The following SEC61A2 variants were observed in gnomAD, a reference collection of about 807,000 sequenced individuals.
SEC61A2 encodes the protein protein transport protein Sec61 subunit alpha isoform 2.
Under a neutral mutation model 59.9 loss-of-function variants are expected in SEC61A2, and 28 were observed. The ratio of observed to expected loss-of-function variants is 0.47; its 90% confidence interval spans 0.35 to 0.64. The LOEUF is 0.64. Ranked by LOEUF, SEC61A2 falls within the 30% of genes least tolerant of loss-of-function variation. SEC61A2 has a pLI of 0.01. For missense variants in SEC61A2, 340 were observed against 585.9 expected (o/e 0.58, Z 4.33); for synonymous variants, 202 against 214.4 (o/e 0.94, Z 0.50).
At position 12,155,797 on chromosome 10, in the gene SEC61A2, T is replaced by C; in HGVS notation, c.482T>C (p.Ile161Thr). The C allele has an allele frequency of 6.2e-7, 1 of 1,614,256 alleles. No individual in the cohort carries two copies. Among genetic ancestry groups the C allele is most frequent in the East Asian group, 2.2e-5 (1 of 44,896 alleles). ...CCACAGTTGTTTGTTGCTGGTTTGA[T>C]TGTGCTGCTGTTAGATGAGCTGCTA... ...IIIQLFVAGL[I>T]VLLLDELLQK... The change falls in exon 7 of 12, where the codon ATT becomes ACT. Residue 161 changes from isoleucine (I) to threonine (T), a missense_variant. Around this residue, in one of 3 missense-constraint regions of SEC61A2, gnomAD observed 283 missense variants for 483.2 expected, o/e 0.59. Transcript: ENST00000298428. The surrounding 1 kb of genome is among the most constrained non-coding windows in gnomAD (Gnocchi z 4.3).
In SEC61A2 at chr10:12,142,379, C is replaced by A; in HGVS notation, c.142-738C>A. 3.5e-6 allele frequency: 1 copy of A among 286,402 alleles called. No homozygotes were observed. The highest frequency in any genetic ancestry group is 5.2e-6 in the Non-Finnish European group (1 of 190,848). The allele number at this position is 286,402 out of a possible 1,614,324, so 17.7% of individuals were successfully genotyped here. On this transcript the variant is annotated intron_variant, in intron 3 of 11. Transcript: ENST00000298428. This position sits in a 1 kb window ranked among gnomAD's most constrained non-coding sequence, Gnocchi z 5.4. Reference sequence around the variant, plus strand: ...GGCTAAAATCACCCCTAGTTTAGAACTGCTATTTTATATTTAGTTTTATGA... The same window carrying A: ...GGCTAAAATCACCCCTAGTTTAGAAATGCTATTTTATATTTAGTTTTATGA...
chr10:12,136,351 C>CA (rs1200492450), intron 3 of SEC61A2, among the ~76,000 whole-genome samples, 181 bp downstream of exon 3: 11 of 152,264 alleles, frequency 7.2e-5, no homozygotes, highest in African/African-American at 2.6e-4. Flanking sequence ...CTCTGTTGCC[C>CA]AAGCTGGATG....
chr10:12,148,266 A>G (rs1834192467), intron 4 of SEC61A2, among the ~76,000 whole-genome samples: 2 of 111,726 alleles, frequency 1.8e-5, no homozygotes, highest in South Asian at 5.7e-4. Flanking sequence ...TTTTTTTAAG[A>G]CAGAATTTCG....
chr10:12,135,960 C>G, intron 2 of SEC61A2, 145 bp from the exon 3 acceptor site: 1 of 626,176 alleles, frequency 1.6e-6, no homozygotes, highest in East Asian at 2.7e-5. Context: ...ACCTAATAAA[C>G]AAAAATGCTT....
In SEC61A2 at chr10:12,153,621, A is replaced by T; in HGVS notation, c.463-2157A>T. On this transcript the variant is annotated intron_variant, in intron 6 of 11. Transcript: ENST00000298428. The surrounding 1 kb of genome is among the most constrained non-coding windows in gnomAD (Gnocchi z 5.2). Reference sequence around the variant, plus strand: ...GAAGTGGATGTACACTGATTCATTTACATGAATTCTGATACACAAATATGC... The same window carrying T: ...GAAGTGGATGTACACTGATTCATTTTCATGAATTCTGATACACAAATATGC... 1 of 1,129,072 alleles carries T rather than the reference A, an allele frequency of 8.9e-7. No homozygotes were observed. The allele number at this position is 1,129,072 out of a possible 1,614,324, so 69.9% of individuals were successfully genotyped here.
chr10:12,129,651 TCTGCGCGGGGTTGGGCGGAGC>T (rs1342006590), upstream of SEC61A2: 6 of 802,966 alleles, frequency 7.5e-6, no homozygotes, highest in East Asian at 3.5e-5. This position sits in a 1 kb window ranked among gnomAD's most constrained non-coding sequence, Gnocchi z 5.6. Flanking sequence ...AAGGGCGGAG[TCTGCGCGGGGTTGGGCGGAGC>T]CTGCGCGGGG....
downstream of SEC61A2, among the ~76,000 whole-genome samples, chr10:12,168,907 C>T (rs1306762095): frequency 2.0e-5 from 3 of 152,082 alleles, no homozygotes; most frequent in African/African-American, 7.2e-5. This position sits in a 1 kb window ranked among gnomAD's most constrained non-coding sequence, Gnocchi z 4.8. Flanking sequence ...GGACTACCGG[C>T]ATGTACCACC....
intron 1 of SEC61A2, among the ~76,000 whole-genome samples, chr10:12,130,200 T>TA (rs1300993006): frequency 2.0e-5 from 3 of 152,096 alleles, no homozygotes; most frequent in Admixed American, 6.6e-5. Context: ...CGTTTAATTT[T>TA]AAAAAAAGTG....
At chr10:12,135,114 G>GATACAGGGAGGGGGAACATC (rs1833855513) in intron 2 of SEC61A2, among the ~76,000 whole-genome samples, 1 of 143,070 alleles carries the variant, frequency 7.0e-6, no homozygotes, top group African/African-American at 2.6e-5. Context: ...AGAACACGTG[G>GATACAGGGAGGGGGAACATC]ATACAGGGAG....
In SEC61A2 at chr10:12,158,987, T is replaced by C. The variant is rs1362262497; in HGVS notation, c.975+882T>C. Among the ~76,000 whole-genome samples the C allele has an allele frequency of 6.6e-6, 1 of 151,286 alleles. No homozygotes were observed. The highest frequency in any genetic ancestry group is 1.5e-5 in the Non-Finnish European group (1 of 67,774). On this transcript the variant is annotated intron_variant, in intron 9 of 11. Transcript: ENST00000298428. The surrounding 1 kb of genome is among the most constrained non-coding windows in gnomAD (Gnocchi z 5.7). ...CCCATCATAATTTTTTTTTCTTTTT[T>C]TTTTTTTTGAGACGGAGTCTCGCTG... is the stretch of plus-strand genomic sequence containing the variant.
rs745352986 is a variant in SEC61A2 at position 12,155,838 on chromosome 10, T to C, written c.523T>C (p.Leu175=). ...TGAGCTGCTACAGAAGGGTTACGGC[T>C]TGGGGTCTGGGATTTCCCTCTTTAT... ...LDELLQKGYG[L]GSGISLFIAT... Residue 175 remains leucine (L), a synonymous_variant, in exon 7 of 12, where the codon TTG becomes CTG. Transcript: ENST00000298428. The surrounding 1 kb of genome is among the most constrained non-coding windows in gnomAD (Gnocchi z 4.3). 6.2e-7 allele frequency: 1 copy of C among 1,614,244 alleles called. No homozygotes were observed. Among genetic ancestry groups the C allele is most frequent in the Non-Finnish European group, 8.5e-7 (1 of 1,180,036 alleles).
downstream of SEC61A2, chr10:12,167,531 G>A (rs1008584837): frequency 1.2e-4 from 69 of 589,434 alleles, no homozygotes; most frequent in Admixed American, 3.4e-5. Context: ...TTTAAAGGAA[G>A]GTCACAACCT....
Position 12,164,741 on chromosome 10 carries a change from C to A in SEC61A2, c.*287C>A. 2 of 1,166,188 alleles carry A rather than the reference C, an allele frequency of 1.7e-6. No individual in the cohort carries two copies. The highest frequency in any genetic ancestry group is 2.1e-6 in the Non-Finnish European group (2 of 945,064). The allele number at this position is 1,166,188 out of a possible 1,614,324, so 72.2% of individuals were successfully genotyped here. ...GCTGTGTTAAATCATGACAGTGAGA[C>A]GGTGAGATGGATTCGTTTTGCACAC... On this transcript the variant is annotated 3_prime_UTR_variant, in exon 12 of 12. Coordinates refer to ENST00000298428, the MANE Select transcript of SEC61A2 (RefSeq NM_018144.4). The surrounding 1 kb of genome is among the most constrained non-coding windows in gnomAD (Gnocchi z 7.3).
chr10:12,155,211 C>T lies in SEC61A2; in HGVS notation c.463-567C>T, dbSNP rs1355058681. On this transcript the variant is annotated intron_variant, in intron 6 of 11. Coordinates refer to ENST00000298428, the MANE Select transcript of SEC61A2 (RefSeq NM_018144.4). The surrounding 1 kb of genome is among the most constrained non-coding windows in gnomAD (Gnocchi z 4.3). ...TAGAATGCATTTTTACATTGCTGCTCGAGTACGTATTTGAGTACATATTTG... is the reference window on the plus strand; with the variant it reads ...TAGAATGCATTTTTACATTGCTGCTTGAGTACGTATTTGAGTACATATTTG... 3 of 738,976 alleles carry T rather than the reference C, an allele frequency of 4.1e-6. No individual in the cohort carries two copies. The highest frequency in any genetic ancestry group is 3.8e-5 in the Admixed American group (1 of 26,002). 45.8% of individuals were successfully genotyped at this position (738,976 alleles called of 1,614,324 possible).
At chr10:12,157,150 G>T in intron 8 of SEC61A2, 83 bp downstream of exon 8, 1 of 1,333,136 alleles carries the variant, frequency 7.5e-7, no homozygotes, top group Non-Finnish European at 1.1e-6. Context: ...ACATGCTGTT[G>T]TTTAACAAGT....
chr10:12,144,133 A>C (rs1834086370), intron 4 of SEC61A2, among the ~76,000 whole-genome samples: 1 of 152,126 alleles, frequency 6.6e-6, no homozygotes. Flanking sequence ...ACATACTTTA[A>C]ATCGATGGCA....
rs1564413594 is a variant in SEC61A2, at chr10:12,152,829, T to A, written c.462+2868T>A. ...CCAGGAGGCGGAGGTTGCAGTGAGC[T>A]GAGATTGCACCACTGCACTCCAGCC... On this transcript the variant is annotated intron_variant, in intron 6 of 11. Transcript: ENST00000298428. The surrounding 1 kb of genome is among the most constrained non-coding windows in gnomAD (Gnocchi z 5.5). 6.6e-6 allele frequency among the ~76,000 whole-genome samples: 1 copy of A among 152,012 alleles called. No homozygotes were observed.
chr10:12,139,627 A>T (rs1833964819), intron 3 of SEC61A2, among the ~76,000 whole-genome samples: 1 of 151,942 alleles, frequency 6.6e-6, no homozygotes, highest in Non-Finnish European at 1.5e-5. Context: ...TACTAAAAAT[A>T]GAAAAAATTA....
chr10:12,143,827 T>A lies in SEC61A2; in HGVS notation c.220+632T>A, dbSNP rs541875050. Among the ~76,000 whole-genome samples the A allele has an allele frequency of 2.6e-5, 4 of 152,300 alleles. No homozygotes were observed. On this transcript the variant is annotated intron_variant, in intron 4 of 11. Coordinates refer to ENST00000298428, the MANE Select transcript of SEC61A2 (RefSeq NM_018144.4). The surrounding 1 kb of genome is among the most constrained non-coding windows in gnomAD (Gnocchi z 4.8). ...GCAGCATTGTTCATCTGGGAAATTG[T>A]GGCTGAGGATGCTGGACAGTGAGAG...
Sources: gnomAD v4.1 joint callset for allele counts (sites outside exome capture counted in the v4.1 genomes callset) on GRCh38, gnomAD v4.1.1 for gene constraint, gnomAD v4.1.1 regional missense constraint, Gnocchi (gnomAD v3.1) non-coding constraint, MANE v1.5 for transcripts, NCBI Gene and HGNC (gene_info 2026-07-23, HGNC 2026-07-21) for gene names.